Variants in CPA6 observed in about 807,000 individuals in gnomAD.
CPA6 encodes carboxypeptidase A6, also known as carboxypeptidase B.
CPA6 carries 58 observed loss-of-function variants against 63.3 expected under a neutral mutation model. That is an observed-to-expected ratio of 0.92 (90% CI 0.74 to 1.14). The LOEUF (loss-of-function observed/expected upper bound fraction) is 1.14, where lower values mean the gene tolerates loss of function less well. Among genes scored for constraint, CPA6 ranks in the 50% most tolerant of loss-of-function variants. The pLI is 0.00. For synonymous variants in CPA6, 185 were observed against 179.0 expected (o/e 1.03, Z -0.27); for missense variants, 565 against 526.6 (o/e 1.07, Z -0.71).
intron 8 of CPA6, among the ~76,000 whole-genome samples, chr8:67,461,223 T>G (rs1277350072): frequency 7.0e-6 from 1 of 142,094 alleles, no homozygotes; most frequent in Non-Finnish European, 1.5e-5. Context: ...CCGCAGTGTT[T>G]GTGTCCCTGG....
chr8:67,558,631 C>T (rs1469650136), intron 2 of CPA6, among the ~76,000 whole-genome samples: 3 of 152,170 alleles, frequency 2.0e-5, no homozygotes, highest in Non-Finnish European at 2.9e-5. Context: ...TCATGCATTA[C>T]AGTAAGTCAT....
chr8:67,443,609 A>G (rs1390967675), intron 8 of CPA6, among the ~76,000 whole-genome samples: 1 of 152,172 alleles, frequency 6.6e-6, no homozygotes, highest in East Asian at 1.9e-4. Flanking sequence ...ATTTTATAAC[A>G]TTCATTTCCA....
At chr8:67,646,481 G>A (rs976156011) in intron 1 of CPA6, among the ~76,000 whole-genome samples, 6 of 152,172 alleles carry the variant, frequency 3.9e-5, no homozygotes, top group African/African-American at 1.4e-4. Context: ...GACTTTGTTG[G>A]TAACACTCCA....
At chr8:67,457,358 A>AT (rs1355888784) in intron 8 of CPA6, among the ~76,000 whole-genome samples, 1 of 152,082 alleles carries the variant, frequency 6.6e-6, no homozygotes, top group Non-Finnish European at 1.5e-5. Flanking sequence ...CAAAATTCTC[A>AT]TTTTTTTCCT....
intron 2 of CPA6, among the ~76,000 whole-genome samples, chr8:67,603,114 C>T (rs933002068): frequency 2.6e-5 from 4 of 152,058 alleles, no homozygotes; most frequent in Admixed American, 1.3e-4. Context: ...TCAATCTGGC[C>T]TATTACTTTA....
chr8:67,425,838 A>AT (rs1375617125), intron 10 of CPA6, among the ~76,000 whole-genome samples: 9 of 152,026 alleles, frequency 5.9e-5, no homozygotes. Context: ...GTCAGAGACA[A>AT]TATGTGCCAA....
At chr8:67,744,552 C>T (rs938950650) in intron 1 of CPA6, among the ~76,000 whole-genome samples, 3 of 152,094 alleles carry the variant, frequency 2.0e-5, no homozygotes, top group Non-Finnish European at 2.9e-5. Flanking sequence ...ATGCACAGAG[C>T]CACAGCTGAG....
At chr8:67,644,499 T>G (rs1424509340) in intron 1 of CPA6, among the ~76,000 whole-genome samples, 3 of 152,178 alleles carry the variant, frequency 2.0e-5, no homozygotes, top group African/African-American at 7.2e-5. Context: ...AAAAGCACAG[T>G]AACTCTAACA....
chr8:67,653,296 G>T (rs552695865), intron 1 of CPA6, among the ~76,000 whole-genome samples: 38 of 152,300 alleles, frequency 2.5e-4, no homozygotes, highest in African/African-American at 8.7e-4. Flanking sequence ...TTGGTAGCTT[G>T]ATGGGGAGGG....
intron 8 of CPA6, among the ~76,000 whole-genome samples, chr8:67,475,823 T>TTTCTTTCTTTCTTTCTCTTTTC (rs1554666526): frequency 4.3e-5 from 2 of 45,990 alleles, no homozygotes; most frequent in African/African-American, 1.0e-4. Flanking sequence ...CTTTCCTTTC[T>TTTCTTTCTTTCTTTCTCTTTTC]TTTCTTTCTT....
At chr8:67,552,842 A>G (rs1485400163) in intron 2 of CPA6, among the ~76,000 whole-genome samples, 1 of 151,126 alleles carries the variant, frequency 6.6e-6, no homozygotes, top group East Asian at 1.9e-4. Context: ...TCTTAATTAC[A>G]TTGTAACAAA....
intron 6 of CPA6, among the ~76,000 whole-genome samples, chr8:67,496,548 TATATATA>T (rs1563976178): frequency 2.3e-4 from 31 of 134,866 alleles, no homozygotes; most frequent in Middle Eastern, 3.6e-3. Flanking sequence ...TATATATATA[TATATATA>T]TATTTATTTT....
intron 2 of CPA6, among the ~76,000 whole-genome samples, chr8:67,617,068 T>C (rs1814973323): frequency 6.6e-6 from 1 of 152,208 alleles, no homozygotes; most frequent in Non-Finnish European, 1.5e-5. Flanking sequence ...ATGTCAAAAC[T>C]TAGAAATTCT....
In CPA6 at chr8:67,475,823, T is replaced by TTTTC. The variant is rs1166367674; in HGVS notation, c.838+7941_838+7944dup. Among the ~76,000 whole-genome samples the TTTTC allele has an allele frequency of 7.7e-3, 354 of 45,906 alleles. 9 individuals are homozygous for TTTTC. Among genetic ancestry groups the TTTTC allele is most frequent in the Non-Finnish European group, 8.4e-3 (204 of 24,376 alleles). 30.1% of individuals were successfully genotyped at this position (45,906 alleles called of 152,430 possible). On this transcript the variant is annotated intron_variant, in intron 8 of 10. Transcript: ENST00000297770. ...TTTCTTTCTTTCTTTCTTTCCTTTC[T>TTTTC]TTTCTTTCTTTCTTTCTTTCTTTCT...
chr8:67,713,053 C>A (rs1347141093), intron 1 of CPA6, among the ~76,000 whole-genome samples: 1 of 134,482 alleles, frequency 7.4e-6, no homozygotes, highest in African/African-American at 2.8e-5. Context: ...ACACATTAAA[C>A]TTTATAAGCA....
Position 67,639,657 on chromosome 8 carries a change from C to T in CPA6, c.117-15406G>A, listed in dbSNP as rs189342822. Reference sequence around the variant, plus strand: ...TTGGGGAGCTTCTAGGTCTGGGCTCCCTGAAGGGCTGCAGCTCTTCTCTCC... The same window carrying T: ...TTGGGGAGCTTCTAGGTCTGGGCTCTCTGAAGGGCTGCAGCTCTTCTCTCC... On this transcript the variant is annotated intron_variant, in intron 1 of 10. Transcript: ENST00000297770. Among the ~76,000 whole-genome samples, 65 of 151,656 alleles carry T rather than the reference C, an allele frequency of 4.3e-4. 3 individuals carry two copies. Among genetic ancestry groups the T allele is most frequent in the African/African-American group, 1.5e-3 (62 of 40,972 alleles).
chr8:67,448,656 G>GAAAAAAAAAAAAAAAAAAAAAAAAAAA (rs1810485855), intron 8 of CPA6, among the ~76,000 whole-genome samples: 3 of 68,802 alleles, frequency 4.4e-5, no homozygotes, highest in African/African-American at 1.8e-4. Flanking sequence ...AAAAAAAAAG[G>GAAAAAAAAAAAAAAAAAAAAAAAAAAA]AAAGAACGAA....
chr8:67,577,074 C>T (rs951337530), intron 2 of CPA6, among the ~76,000 whole-genome samples: 3 of 152,084 alleles, frequency 2.0e-5, no homozygotes. Context: ...AGGCTGACCT[C>T]GAACTCCTGG....
At chr8:67,540,523 G>A (rs1812682391) in intron 2 of CPA6, among the ~76,000 whole-genome samples, 1 of 152,236 alleles carries the variant, frequency 6.6e-6, no homozygotes, top group African/African-American at 2.4e-5. Context: ...CCTTAGCAGA[G>A]CTCAAGCGCT....
Sources: gnomAD v4.1 joint callset for allele counts (sites outside exome capture counted in the v4.1 genomes callset) on GRCh38, gnomAD v4.1.1 for gene constraint, MANE v1.5 for transcripts, NCBI Gene and HGNC (gene_info 2026-07-23, HGNC 2026-07-21) for gene names.